The following ST14 variants were observed in gnomAD, a reference collection of about 807,000 sequenced individuals.
The protein encoded by ST14 is ST14 transmembrane serine protease matriptase, also known as suppressor of tumorigenicity 14 protein.
Under a neutral mutation model 96.5 loss-of-function variants are expected in ST14, and 40 were observed. That is an observed-to-expected ratio of 0.41 (90% CI 0.32 to 0.54). The LOEUF (loss-of-function observed/expected upper bound fraction) is 0.54, where lower values mean the gene tolerates loss of function less well. Ranked by LOEUF, ST14 falls within the 20% of genes least tolerant of loss-of-function variation. The pLI is 0.17. For synonymous variants in ST14, 506 were observed against 492.1 expected, an observed-to-expected ratio of 1.03 and a Z score of -0.37; for missense variants, 1,066 against 1,188.9, an observed-to-expected ratio of 0.90 and a Z score of 1.52.
At chr11:130,189,506 C>T in intron 4 of ST14, 1 of 587,592 alleles carries the variant, frequency 1.7e-6, no homozygotes, top group Non-Finnish European at 3.0e-6. Context: ...TACCCCTGAG[C>T]AGCCCCCAGA....
chr11:130,209,924 G>A lies in ST14; in HGVS notation c.*101G>A, dbSNP rs1953534653. On this transcript the variant is annotated 3_prime_UTR_variant, in exon 19 of 19. Coordinates refer to ENST00000278742, the MANE Select transcript of ST14 (RefSeq NM_021978.4). ...AGACTGGACCGCTGACTGCACCAGC[G>A]CCCCCAGAACATACACTGTGAACTC... 3 of 1,432,738 alleles carry A rather than the reference G, an allele frequency of 2.1e-6. No individual in the cohort carries two copies. Among genetic ancestry groups the A allele is most frequent in the Middle Eastern group, 2.4e-4 (1 of 4,152 alleles). 88.8% of individuals were successfully genotyped at this position (1,432,738 alleles called of 1,614,324 possible). A position where few individuals can be genotyped will look rare whatever the true frequency, so the allele number is the denominator to read the frequency against.
chr11:130,198,843 AG>A, intron 14 of ST14, 103 bp from the exon 15 acceptor site: 9 of 1,604,854 alleles, frequency 5.6e-6, no homozygotes, highest in Non-Finnish European at 7.6e-6. Context: ...GGCCTGGGTG[AG>A]GGGGTAATGT....
chr11:130,160,832 C>T (rs556919770), intron 1 of ST14, among the ~76,000 whole-genome samples: 1 of 152,188 alleles, frequency 6.6e-6, no homozygotes, highest in Non-Finnish European at 1.5e-5. Flanking sequence ...TGGTAGTGCC[C>T]GGGCGGGACC....
Position 130,187,998 on chromosome 11 carries a change from C to A in ST14, c.82-116C>A. 1.4e-6 allele frequency: 2 copies of A among 1,441,156 alleles called. No individual in the cohort carries two copies. The highest frequency in any genetic ancestry group is 1.9e-6 in the Non-Finnish European group (2 of 1,057,990). The allele number at this position is 1,441,156 out of a possible 1,614,324, so 89.3% of individuals were successfully genotyped here. On this transcript the variant is annotated intron_variant, in intron 1 of 18. Transcript: ENST00000278742. The surrounding 1 kb of genome is among the most constrained non-coding windows in gnomAD (Gnocchi z 4.5). ...TGGGGGAAGCCCCCTTCTTCTCACCCAAGCCCCTGCTTTCTTCTCCAAGCT... is the reference window on the plus strand; with the variant it reads ...TGGGGGAAGCCCCCTTCTTCTCACCAAAGCCCCTGCTTTCTTCTCCAAGCT...
chr11:130,172,660 G>A (rs1424867794), intron 1 of ST14, among the ~76,000 whole-genome samples: 5 of 151,102 alleles, frequency 3.3e-5, no homozygotes, highest in Admixed American at 6.6e-5. Flanking sequence ...CTCGTGATCC[G>A]CCCGCCTCAG....
At position 130,160,029 on chromosome 11, in the gene ST14, G is replaced by C. The variant is rs1479825864; in HGVS notation, c.50G>C (p.Gly17Ala). 8.4e-6 allele frequency: 12 copies of C among 1,435,612 alleles called. No individual in the cohort carries two copies. In the East Asian group the frequency reaches 2.8e-4, roughly 33 times the overall value. 88.9% of individuals were successfully genotyped at this position (1,435,612 alleles called of 1,614,324 possible). Residue 17 changes from glycine (G) to alanine (A), a missense_variant, in exon 1 of 19, where the codon GGC (glycine) becomes GCC (alanine). Physicochemically the swap from Gly to Ala is moderately conservative, Grantham distance 60. Transcript: ENST00000278742. ...RKGGGGPKDFGAGLKYNSRHE... is the reference protein window; with the variant it reads ...RKGGGGPKDFAAGLKYNSRHE... ...GGCGGAGGGGGCCCGAAGGACTTCGGCGCGGGACTCAAGTACAACTCCCGG... is the reference window on the plus strand; with the variant it reads ...GGCGGAGGGGGCCCGAAGGACTTCGCCGCGGGACTCAAGTACAACTCCCGG...
intron 14 of ST14, 123 bp from the exon 15 acceptor site, chr11:130,198,824 G>T (rs772781319): frequency 2.5e-6 from 4 of 1,592,520 alleles, no homozygotes; most frequent in Non-Finnish European, 3.4e-6. Flanking sequence ...AGTGGGCGTG[G>T]GTGGGGCAGG....
At chr11:130,202,719 T>G (rs1196828229) in intron 16 of ST14, among the ~76,000 whole-genome samples, 1 of 152,194 alleles carries the variant, frequency 6.6e-6, no homozygotes, top group African/African-American at 2.4e-5. Context: ...ACGTTGCGGT[T>G]AAATGCACAG....
rs770643842 is a variant in ST14, at chr11:130,196,563, C to T, written c.1224-7C>T. ...CCTCCTCACCTTGTGCCCCGCCCCC[C>T]CTCCAGATACTGCGGAGAGAGGTCC... On this transcript the variant is annotated splice_region_variant and splice_polypyrimidine_tract_variant and intron_variant, in intron 10 of 18. Transcript: ENST00000278742. 4.3e-6 allele frequency: 7 copies of T among 1,611,060 alleles called. No individual in the cohort carries two copies. In the South Asian group the frequency reaches 4.4e-5, roughly 10 times the overall value.
chr11:130,161,048 T>C (rs1952995101), intron 1 of ST14, among the ~76,000 whole-genome samples: 2 of 152,224 alleles, frequency 1.3e-5, no homozygotes, highest in African/African-American at 4.8e-5. Context: ...TCTCCGCCGT[T>C]GCTCCCTAAG....
chr11:130,196,913 T>C (rs1433272652), intron 11 of ST14: 5 of 683,206 alleles, frequency 7.3e-6, no homozygotes, highest in Non-Finnish European at 1.2e-5. Context: ...CACTGTGTCC[T>C]TCTGGGTTGC....
At chr11:130,194,088 G>T in intron 7 of ST14, 61 bp from the exon 8 acceptor site, 2 of 1,612,488 alleles carry the variant, frequency 1.2e-6, no homozygotes, top group South Asian at 1.1e-5. Flanking sequence ...AGCCTGGTTT[G>T]GGTGTGTGAG....
chr11:130,195,802 G>A (rs569561324), intron 9 of ST14, among the ~76,000 whole-genome samples: 103 of 150,644 alleles, frequency 6.8e-4, no homozygotes, highest in African/African-American at 2.3e-3. Flanking sequence ...GTGGTGAGCT[G>A]AGATCTTGCC....
intron 1 of ST14, among the ~76,000 whole-genome samples, chr11:130,173,317 G>T (rs1410581476): frequency 2.0e-5 from 3 of 152,156 alleles, no homozygotes; most frequent in Admixed American, 6.5e-5. Flanking sequence ...AAACTGAAAG[G>T]CTGGGCGCGG....
Position 130,189,088 on chromosome 11 carries a change from G to A in ST14, c.440+149G>A, listed in dbSNP as rs867566526. ...GGGTCCTCGCTGTGTCCTCCTGTGC[G>A]TTACTTGGCAGCCTGACTCTTCTGC... is the stretch of plus-strand genomic sequence containing the variant. On this transcript the variant is annotated intron_variant, in intron 4 of 18. Transcript: ENST00000278742. 19 of 859,862 alleles carry A rather than the reference G, an allele frequency of 2.2e-5. No individual in the cohort carries two copies. In the East Asian group the frequency reaches 3.2e-4, roughly 14 times the overall value. The allele number at this position is 859,862 out of a possible 1,614,324, so 53.3% of individuals were successfully genotyped here.
chr11:130,190,472 T>G lies in ST14; in HGVS notation c.653T>G (p.Leu218Arg). 1 of 1,607,246 alleles carries G rather than the reference T, an allele frequency of 6.2e-7. No individual in the cohort carries two copies. The highest frequency in any genetic ancestry group is 1.1e-5 in the South Asian group (1 of 91,078). Residue 218 changes from leucine to arginine, a missense_variant, in exon 7 of 19, where the codon CTG (leucine) becomes CGG (arginine). Leu to Arg is a moderately radical substitution (Grantham distance 102, BLOSUM62 -2). Transcript: ENST00000278742. ...TGCGCAGACAGCTGCAGCTTTGGCC[T>G]GCACGCCCGCGGTGTGGAGCTGATG... Reference protein sequence around the residue: ...RTQDNSCSFGLHARGVELMRF... With the variant: ...RTQDNSCSFGRHARGVELMRF...
rs1194172672 is a variant in ST14 at position 130,187,973 on chromosome 11, T to TG, written c.82-136dup. 1.0e-4 allele frequency: 122 copies of TG among 1,212,518 alleles called. 4 individuals carry two copies. In the Admixed American group the frequency reaches 2.5e-3, roughly 25 times the overall value. The allele number at this position is 1,212,518 out of a possible 1,614,324, so 75.1% of individuals were successfully genotyped here. A position where few individuals can be genotyped will look rare whatever the true frequency, so the allele number is the denominator to read the frequency against. ...CTCTGGGCAGTGGTCCCCATGCCTCTGGGGGAAGCCCCCTTCTTCTCACCC... is the reference window on the plus strand; with the variant it reads ...CTCTGGGCAGTGGTCCCCATGCCTCTGGGGGGAAGCCCCCTTCTTCTCACCC... On this transcript the variant is annotated intron_variant, in intron 1 of 18. Coordinates refer to ENST00000278742, the MANE Select transcript of ST14 (RefSeq NM_021978.4). The surrounding 1 kb of genome is among the most constrained non-coding windows in gnomAD (Gnocchi z 4.5).
chr11:130,161,785 T>C (rs1351871785), intron 1 of ST14, among the ~76,000 whole-genome samples: 1 of 152,208 alleles, frequency 6.6e-6, no homozygotes, highest in Non-Finnish European at 1.5e-5. Flanking sequence ...TTGAACTAAC[T>C]CAGTACCTAG....
chr11:130,198,066 G>A (rs1482907994), intron 12 of ST14, 121 bp downstream of exon 12: 45 of 1,100,054 alleles, frequency 4.1e-5, no homozygotes, highest in Non-Finnish European at 4.4e-5. Flanking sequence ...TTTTGCTCTC[G>A]GCCCTGTGTA....
Sources: allele counts gnomAD v4.1 joint callset (sites outside exome capture counted in the v4.1 genomes callset), GRCh38; gene constraint gnomAD v4.1.1; non-coding constraint Gnocchi (gnomAD v3.1); transcripts MANE v1.5; gene names NCBI Gene and HGNC (gene_info 2026-07-23, HGNC 2026-07-21).